Variants in GPR158 observed in about 807,000 individuals in gnomAD.
GPR158 encodes the protein metabotropic glycine receptor.
In GPR158, 30 loss-of-function variants were observed where a neutral mutation model predicts 78.2. The ratio of observed to expected loss-of-function variants is 0.38; its 90% CI spans 0.29 to 0.52. The LOEUF (loss-of-function observed/expected upper bound fraction) is 0.52, where lower values mean the gene tolerates loss of function less well. GPR158 is among the 20% of genes least tolerant of loss of function. GPR158 has a pLI of 0.83. For missense variants in GPR158, 1,463 were observed against 1,523.5 expected, an observed-to-expected ratio of 0.96 and a Z score of 0.66; for synonymous variants, 581 against 591.1, an observed-to-expected ratio of 0.98 and a Z score of 0.25.
chr10:25,370,351 G>A (rs1375058635), intron 2 of GPR158, among the ~76,000 whole-genome samples: 1 of 141,640 alleles, frequency 7.1e-6, no homozygotes, highest in Admixed American at 7.1e-5. Flanking sequence ...GCGTCCCAGA[G>A]ATCCTGGTAT....
intron 2 of GPR158, among the ~76,000 whole-genome samples, chr10:25,321,646 TAAACAAAC>T (rs34697786): frequency 6.8e-4 from 102 of 150,066 alleles, no homozygotes; most frequent in South Asian, 2.1e-3. Flanking sequence ...TCCTTTAAAA[TAAACAAAC>T]AAACAAACAA....
chr10:25,298,461 A>G (rs1682495846), intron 2 of GPR158, among the ~76,000 whole-genome samples: 1 of 152,236 alleles, frequency 6.6e-6, no homozygotes, highest in Non-Finnish European at 1.5e-5. Flanking sequence ...AAAGAGAACT[A>G]TTGCAAATTA....
intron 2 of GPR158, among the ~76,000 whole-genome samples, chr10:25,326,238 G>A: frequency 6.6e-6 from 1 of 152,134 alleles, no homozygotes; most frequent in South Asian, 2.1e-4. Context: ...AGTTTGCTGA[G>A]GATAATGGCT....
At chr10:25,370,539 G>C (rs1833972422) in intron 2 of GPR158, among the ~76,000 whole-genome samples, 1 of 139,480 alleles carries the variant, frequency 7.2e-6, no homozygotes, top group Non-Finnish European at 1.6e-5. Context: ...GAGACAGTTT[G>C]TTATAATTTC....
intron 7 of GPR158, among the ~76,000 whole-genome samples, chr10:25,588,086 A>T (rs1335195): frequency 0.064 from 9,811 of 152,294 alleles, 457 homozygotes; most frequent in African/African-American, 0.14. Context: ...TTTGGGGAAA[A>T]AAGTCAAATG....
chr10:25,239,488 A>T (rs1163695785), intron 2 of GPR158, among the ~76,000 whole-genome samples: 2 of 151,934 alleles, frequency 1.3e-5, no homozygotes, highest in African/African-American at 4.8e-5. Flanking sequence ...GGCACCTGTA[A>T]TCCCAGATAC....
rs936965019 is a variant in GPR158 at position 25,223,243 on chromosome 10, A to G, written c.1008+2086A>G. Reference sequence around the variant, plus strand: ...ATTGTAGAAAGAGGCTGAGTGATCAAAAAGTAATATCAAAACAATGGATCT... The same window carrying G: ...ATTGTAGAAAGAGGCTGAGTGATCAGAAAGTAATATCAAAACAATGGATCT... On this transcript the variant is annotated intron_variant, in intron 2 of 10. Transcript: ENST00000376351. 2.6e-5 allele frequency among the ~76,000 whole-genome samples: 4 copies of G among 152,216 alleles called. No individual in the cohort carries two copies. The South Asian group carries it at 6.2e-4, about 24-fold the overall frequency.
chr10:25,317,090 G>C (rs866961138), intron 2 of GPR158, among the ~76,000 whole-genome samples: 15 of 150,956 alleles, frequency 9.9e-5, no homozygotes, highest in African/African-American at 3.4e-4. Flanking sequence ...CTCACCCAGG[G>C]TGGAGTGCAG....
intron 2 of GPR158, among the ~76,000 whole-genome samples, chr10:25,361,652 C>T (rs903240684): frequency 6.6e-6 from 1 of 151,924 alleles, no homozygotes. Context: ...GGTTACATCT[C>T]ATTGTGGTTT....
intron 5 of GPR158, among the ~76,000 whole-genome samples, chr10:25,476,701 G>T (rs1445113749): frequency 6.6e-6 from 1 of 151,974 alleles, no homozygotes; most frequent in Non-Finnish European, 1.5e-5. Context: ...CTTATCTTCT[G>T]GTCTGCTGTT....
chr10:25,508,844 C>T (rs1836047576), intron 5 of GPR158, among the ~76,000 whole-genome samples: 1 of 152,198 alleles, frequency 6.6e-6, no homozygotes, highest in African/African-American at 2.4e-5. Context: ...CTGCTTGGTT[C>T]TGTTTCTGGT....
intron 2 of GPR158, among the ~76,000 whole-genome samples, chr10:25,291,964 A>G (rs1309691151): frequency 1.3e-5 from 2 of 152,124 alleles, no homozygotes; most frequent in Non-Finnish European, 2.9e-5. Context: ...ATACTGGGGA[A>G]ACTTACTGTA....
intron 2 of GPR158, among the ~76,000 whole-genome samples, chr10:25,242,920 C>CACTAAAAT (rs2130710464): frequency 6.6e-6 from 1 of 152,260 alleles, no homozygotes; most frequent in East Asian, 1.9e-4. Flanking sequence ...CCTATTGCTC[C>CACTAAAAT]ACTAAAATAC....
chr10:25,176,364 C>G lies in GPR158; in HGVS notation c.902+42C>G. 6.9e-7 allele frequency: 1 copy of G among 1,448,574 alleles called. No homozygotes were observed. Among genetic ancestry groups the G allele is most frequent in the Non-Finnish European group, 9.3e-7 (1 of 1,073,684 alleles). 89.7% of individuals were successfully genotyped at this position (1,448,574 alleles called of 1,614,324 possible). ...GGCAGGGGGGAAGGCAAAAGCGAAG[C>G]TTTCCTTCCGGTCTTGTGGGTGGGT... On this transcript the variant is annotated intron_variant, in intron 1 of 10. Coordinates refer to ENST00000376351, the MANE Select transcript of GPR158 (RefSeq NM_020752.3). This position sits in a 1 kb window ranked among gnomAD's most constrained non-coding sequence, Gnocchi z 6.3.
chr10:25,385,324 T>C (rs938097394), intron 2 of GPR158, among the ~76,000 whole-genome samples: 9 of 151,938 alleles, frequency 5.9e-5, no homozygotes, highest in African/African-American at 2.2e-4. Flanking sequence ...CTGGATAATA[T>C]TCCATTATTT....
intron 4 of GPR158, among the ~76,000 whole-genome samples, chr10:25,440,081 AC>A: frequency 6.6e-6 from 1 of 152,316 alleles, no homozygotes; most frequent in Admixed American, 6.5e-5. Flanking sequence ...GTAAAGGTGA[AC>A]CTGTTGGTAG....
At chr10:25,455,439 A>G (rs1415803020) in intron 4 of GPR158, among the ~76,000 whole-genome samples, 1 of 152,098 alleles carries the variant, frequency 6.6e-6, no homozygotes, top group African/African-American at 2.4e-5. Context: ...TTAATTTTTC[A>G]GTAATTCTCT....
At chr10:25,200,260 A>G (rs931544973) in intron 1 of GPR158, among the ~76,000 whole-genome samples, 2 of 152,084 alleles carry the variant, frequency 1.3e-5, no homozygotes, top group African/African-American at 4.8e-5. Flanking sequence ...TTCTCTAATG[A>G]TTAGCGATGT....
intron 2 of GPR158, among the ~76,000 whole-genome samples, chr10:25,342,941 A>C (rs1855324368): frequency 1.3e-5 from 2 of 151,890 alleles, no homozygotes; most frequent in Admixed American, 1.3e-4. Context: ...GTGGGGCTCC[A>C]GCTTTTTTTC....
Sources: gnomAD v4.1 joint callset for allele counts (sites outside exome capture counted in the v4.1 genomes callset) on GRCh38, gnomAD v4.1.1 for gene constraint, Gnocchi (gnomAD v3.1) non-coding constraint, MANE v1.5 for transcripts, NCBI Gene and HGNC (gene_info 2026-07-23, HGNC 2026-07-21) for gene names.